The following CEP85L variants were observed in gnomAD, a reference collection of about 807,000 sequenced individuals.
CEP85L encodes the protein centrosomal protein of 85 kDa-like.
CEP85L carries 60 observed loss-of-function variants against 100.3 expected under a neutral mutation model. The observed-to-expected ratio is 0.60, with a 90% CI of 0.49 to 0.74. The LOEUF is 0.74. Ranked by LOEUF, CEP85L falls within the 30% of genes least tolerant of loss-of-function variation. CEP85L has a pLI of 0.00. For synonymous variants in CEP85L, 319 were observed against 322.7 expected (o/e 0.99, Z 0.12); for missense variants, 973 against 936.2 (o/e 1.04, Z -0.51).
intron 2 of CEP85L, among the ~76,000 whole-genome samples, chr6:118,574,882 TCGAGGGTTTATACCAACCTAAATTCCTG>T (rs1780129438): frequency 6.6e-6 from 1 of 152,068 alleles, no homozygotes; most frequent in Admixed American, 6.5e-5. Context: ...AGCTTTCCTG[TCGAGGGTTTATACCAACCTAAATTCCTG>T]CGAGGGAAGT....
intron 2 of CEP85L, among the ~76,000 whole-genome samples, chr6:118,627,563 T>C (rs1408383586): frequency 1.3e-5 from 2 of 152,182 alleles, no homozygotes; most frequent in Non-Finnish European, 2.9e-5. Flanking sequence ...TGGGAAAACT[T>C]GAATTGTATT....
chr6:118,654,208 T>C (rs1775695562), upstream of CEP85L, among the ~76,000 whole-genome samples: 1 of 151,952 alleles, frequency 6.6e-6, no homozygotes, highest in Admixed American at 6.6e-5. Context: ...AGCCCAGGAG[T>C]TGGAGGCTGT....
At chr6:118,495,981 C>A (rs1469268301) in intron 5 of CEP85L, among the ~76,000 whole-genome samples, 1 of 152,162 alleles carries the variant, frequency 6.6e-6, no homozygotes, top group Non-Finnish European at 1.5e-5. Flanking sequence ...CCAACCAACA[C>A]CACAGCTGCA....
intron 5 of CEP85L, among the ~76,000 whole-genome samples, chr6:118,496,997 C>T (rs1360726414): frequency 6.6e-6 from 1 of 152,182 alleles, no homozygotes; most frequent in Non-Finnish European, 1.5e-5. Context: ...GGCCTTCTTT[C>T]TCCCAGCTGG....
chr6:118,671,478 A>G (rs182289448), intron 1 of CEP85L, among the ~76,000 whole-genome samples: 23 of 152,358 alleles, frequency 1.5e-4, no homozygotes, highest in African/African-American at 5.5e-4. Flanking sequence ...AATTTCCGTT[A>G]GTAAAATGAA....
intron 1 of CEP85L, among the ~76,000 whole-genome samples, chr6:118,705,587 T>G (rs1777569079): frequency 6.6e-6 from 1 of 152,240 alleles, no homozygotes; most frequent in African/African-American, 2.4e-5. Flanking sequence ...ACTAATGGCA[T>G]GGTAAGTGTG....
chr6:118,704,878 C>A (rs1562368359), intron 1 of CEP85L, among the ~76,000 whole-genome samples: 1 of 152,188 alleles, frequency 6.6e-6, no homozygotes, highest in Non-Finnish European at 1.5e-5. Context: ...TGGCTATTTT[C>A]ACCTTTCTTT....
chr6:118,664,755 C>G (rs1342641603), intron 1 of CEP85L, among the ~76,000 whole-genome samples: 1 of 152,048 alleles, frequency 6.6e-6, no homozygotes, highest in Non-Finnish European at 1.5e-5. Context: ...CCAAATCTTT[C>G]ATCTAAAAAT....
chr6:118,521,370 A>G (rs1293965458), intron 4 of CEP85L, among the ~76,000 whole-genome samples: 1 of 152,254 alleles, frequency 6.6e-6, no homozygotes, highest in East Asian at 1.9e-4. Flanking sequence ...ATGCTGCTTT[A>G]GAAACAAAAG....
chr6:118,484,975 T>C (rs533981882), intron 6 of CEP85L, among the ~76,000 whole-genome samples: 4 of 152,346 alleles, frequency 2.6e-5, no homozygotes, highest in African/African-American at 9.6e-5. Context: ...TGTCTTACTA[T>C]TGATGTCATT....
intron 5 of CEP85L, among the ~76,000 whole-genome samples, chr6:118,503,456 G>C (rs1775437545): frequency 6.6e-6 from 1 of 152,062 alleles, no homozygotes; most frequent in Admixed American, 6.6e-5. Context: ...TTTATATGAA[G>C]AGGCAAAAGA....
intron 3 of CEP85L, among the ~76,000 whole-genome samples, chr6:118,535,165 G>A (rs528967630): frequency 3.3e-5 from 5 of 152,058 alleles, no homozygotes; most frequent in South Asian, 4.2e-4. Context: ...GGATAAAAAC[G>A]GTACTACATC....
At chr6:118,606,851 T>A (rs1453927561) in intron 2 of CEP85L, among the ~76,000 whole-genome samples, 2 of 152,186 alleles carry the variant, frequency 1.3e-5, no homozygotes, top group Non-Finnish European at 2.9e-5. Context: ...CTTTTTTGCA[T>A]TAATCAAAAC....
chr6:118,627,408 G>C (rs1437451984), intron 2 of CEP85L, among the ~76,000 whole-genome samples: 1 of 152,178 alleles, frequency 6.6e-6, no homozygotes, highest in Non-Finnish European at 1.5e-5. Context: ...GCTGAACAAA[G>C]TGAAAAAGCA....
chr6:118,662,702 T>C (rs2115409766), intron 1 of CEP85L, among the ~76,000 whole-genome samples: 1 of 152,298 alleles, frequency 6.6e-6, no homozygotes, highest in East Asian at 1.9e-4. Flanking sequence ...TTAGCTATAG[T>C]ATATTAAAAA....
chr6:118,632,846 G>T (rs560215409), intron 1 of CEP85L, among the ~76,000 whole-genome samples: 4 of 152,140 alleles, frequency 2.6e-5, no homozygotes, highest in Non-Finnish European at 5.9e-5. Flanking sequence ...CTGCTTCCGG[G>T]CATTAAACTT....
Position 118,469,063 on chromosome 6 carries a change from G to A in CEP85L, c.2254+9C>T. On this transcript the variant is annotated intron_variant, in intron 12 of 12. Transcript: ENST00000368491. ...GCCACAAAATAAGGACAAGTCATCA[G>A]ACACTTACATCTTATTCCCAGTAAT... 6.3e-7 allele frequency: 1 copy of A among 1,585,728 alleles called. No individual in the cohort carries two copies. The highest frequency in any genetic ancestry group is 8.7e-7 in the Non-Finnish European group (1 of 1,154,806).
intron 2 of CEP85L, among the ~76,000 whole-genome samples, chr6:118,622,592 T>C (rs1457940185): frequency 6.6e-6 from 1 of 152,218 alleles, no homozygotes; most frequent in Non-Finnish European, 1.5e-5. Flanking sequence ...CTCGTGGCAC[T>C]TACCTGAGCC....
At chr6:118,580,929 C>A (rs754546298) in intron 2 of CEP85L, among the ~76,000 whole-genome samples, 13 of 152,194 alleles carry the variant, frequency 8.5e-5, no homozygotes, top group Non-Finnish European at 1.8e-4. Flanking sequence ...CTCTCTCAGC[C>A]CCTTGGTCTG....
Sources: gnomAD v4.1 joint callset for allele counts (sites outside exome capture counted in the v4.1 genomes callset) on GRCh38, gnomAD v4.1.1 for gene constraint, MANE v1.5 for transcripts, NCBI Gene and HGNC (gene_info 2026-07-23, HGNC 2026-07-21) for gene names.